RAD51B: variants seen among roughly 807,000 people sequenced by gnomAD.
The protein encoded by RAD51B is RAD51 paralog B, also known as DNA repair protein RAD51 homolog 2.
Under a neutral mutation model 42.2 loss-of-function variants are expected in RAD51B, and 38 were observed. The observed-to-expected ratio is 0.90, with a 90% CI of 0.70 to 1.18. The LOEUF (loss-of-function observed/expected upper bound fraction) is 1.18. RAD51B is among the 50% of genes most tolerant of loss of function. The probability of loss-of-function intolerance (pLI) is 0.00; values close to 1 mark genes in which losing one functional copy is unlikely to be tolerated. For synonymous variants in RAD51B, 154 were observed against 145.2 expected (o/e 1.06, Z -0.43); for missense variants, 373 against 400.7 (o/e 0.93, Z 0.59).
intron 10 of RAD51B, among the ~76,000 whole-genome samples, chr14:68,511,525 A>G (rs1885727359): frequency 6.6e-6 from 1 of 152,340 alleles, no homozygotes; most frequent in African/African-American, 2.4e-5. Flanking sequence ...GATGATGGCT[A>G]CCTTCCAGAA....
rs149461144 is a variant in RAD51B at position 67,884,844 on chromosome 14, CT to C, written c.453-1024del. On this transcript the variant is annotated intron_variant, in intron 5 of 10. Transcript: ENST00000471583. ...AAAACAGTTGTTGAAGTTCTCTCTT[CT>C]CTTTTCCTGTTTTGGGCTTTTCTCT... is the stretch of plus-strand genomic sequence containing the variant. 7.2e-5 allele frequency among the ~76,000 whole-genome samples: 11 copies of C among 152,278 alleles called. No homozygotes were observed. In the East Asian group the frequency reaches 2.1e-3, roughly 29 times the overall value.
chr14:68,494,350 T>G (rs1316335614), intron 10 of RAD51B, among the ~76,000 whole-genome samples: 1 of 151,902 alleles, frequency 6.6e-6, no homozygotes, highest in African/African-American at 2.4e-5. Flanking sequence ...GGGTAGTTCT[T>G]CGGTTTTGTG....
At chr14:68,322,276 G>A (rs543837681) in intron 8 of RAD51B, among the ~76,000 whole-genome samples, 1 of 152,292 alleles carries the variant, frequency 6.6e-6, no homozygotes, top group South Asian at 2.1e-4. Flanking sequence ...CTATAAGAGA[G>A]CATATTACAT....
At chr14:68,659,062 G>A (rs1385141110) in intron 11 of RAD51B, among the ~76,000 whole-genome samples, 2 of 152,176 alleles carry the variant, frequency 1.3e-5, no homozygotes, top group African/African-American at 4.8e-5. Context: ...TCTGCTGCTG[G>A]CAAGGGTGAC....
At chr14:68,225,161 A>C (rs558334770) in intron 7 of RAD51B, among the ~76,000 whole-genome samples, 1 of 152,338 alleles carries the variant, frequency 6.6e-6, no homozygotes, top group South Asian at 2.1e-4. Flanking sequence ...CTGTAGGGAC[A>C]ATATATGATA....
intron 10 of RAD51B, among the ~76,000 whole-genome samples, chr14:68,584,176 T>C (rs978970798): frequency 6.6e-6 from 1 of 152,050 alleles, no homozygotes; most frequent in Non-Finnish European, 1.5e-5. Context: ...CTTGTTTTCC[T>C]CCTCACACTC....
intron 8 of RAD51B, among the ~76,000 whole-genome samples, chr14:68,346,955 AC>A (rs2082688910): frequency 2.0e-5 from 3 of 151,374 alleles, no homozygotes; most frequent in Admixed American, 1.3e-4. Context: ...CCTTCCCTCT[AC>A]CCCCCAAGGC....
chr14:68,254,867 C>T (rs898380366), intron 7 of RAD51B, among the ~76,000 whole-genome samples: 4 of 152,052 alleles, frequency 2.6e-5, no homozygotes, highest in Admixed American at 2.0e-4. Context: ...TGTAAATTAC[C>T]CACTGGGTAC....
At chr14:68,108,730 C>T (rs2077414886) in intron 7 of RAD51B, among the ~76,000 whole-genome samples, 1 of 151,818 alleles carries the variant, frequency 6.6e-6, no homozygotes, top group Non-Finnish European at 1.5e-5. Context: ...TCTAAAAACA[C>T]TGAATTATAT....
intron 9 of RAD51B, among the ~76,000 whole-genome samples, chr14:68,422,556 T>C: frequency 1.6e-5 from 1 of 61,430 alleles, no homozygotes; most frequent in Admixed American, 2.2e-4. Flanking sequence ...CGAGTCTCCA[T>C]CTCAAAAAAA....
chr14:68,313,341 G>A (rs757692930), intron 8 of RAD51B, among the ~76,000 whole-genome samples: 2 of 152,182 alleles, frequency 1.3e-5, no homozygotes, highest in African/African-American at 2.4e-5. Flanking sequence ...AAGGATGACT[G>A]AATCCCATTC....
chr14:67,840,897 G>T (rs1404447360), intron 4 of RAD51B, among the ~76,000 whole-genome samples: 1 of 151,986 alleles, frequency 6.6e-6, no homozygotes, highest in Non-Finnish European at 1.5e-5. Flanking sequence ...TGCCTCCCAG[G>T]TTCAAGTGAT....
intron 7 of RAD51B, among the ~76,000 whole-genome samples, chr14:67,988,332 G>A (rs113957058): frequency 2.0e-5 from 3 of 152,208 alleles, no homozygotes; most frequent in African/African-American, 4.8e-5. Flanking sequence ...GGTGGCAGGC[G>A]CCTGTCATCC....
intron 7 of RAD51B, among the ~76,000 whole-genome samples, chr14:68,282,899 G>A (rs1437692733): frequency 1.3e-5 from 2 of 152,142 alleles, no homozygotes; most frequent in Non-Finnish European, 2.9e-5. Context: ...GGCTGGGGGG[G>A]ACCCGAGACT....
chr14:68,337,309 A>T (rs568737668), intron 8 of RAD51B, among the ~76,000 whole-genome samples: 7 of 152,194 alleles, frequency 4.6e-5, no homozygotes, highest in Non-Finnish European at 1.0e-4. Context: ...TTCAGATTTA[A>T]AGCTGCAGTG....
intron 10 of RAD51B, among the ~76,000 whole-genome samples, chr14:68,511,332 A>T (rs543558444): frequency 3.0e-4 from 45 of 152,204 alleles, no homozygotes; most frequent in Non-Finnish European, 5.4e-4. Flanking sequence ...GCCCTGAGAC[A>T]TGGAAAGAAG....
intron 7 of RAD51B, among the ~76,000 whole-genome samples, chr14:68,140,310 C>T (rs1230848337): frequency 6.6e-6 from 1 of 152,192 alleles, no homozygotes; most frequent in African/African-American, 2.4e-5. Context: ...TTTCCTGCAA[C>T]TCAGCTGGTG....
chr14:68,183,297 A>G (rs2588813), intron 7 of RAD51B, among the ~76,000 whole-genome samples: 106,561 of 151,938 alleles, frequency 0.7, 40,429 homozygotes, highest in East Asian at 0.92. Context: ...GTGTAAGTCA[A>G]GAGTCTAAAA....
intron 9 of RAD51B, among the ~76,000 whole-genome samples, chr14:68,442,714 C>CA (rs553415890): frequency 1.7e-3 from 265 of 152,190 alleles, no homozygotes; most frequent in African/African-American, 5.9e-3. Context: ...GCTGGGATTA[C>CA]AGGCATGAGC....
Sources: gnomAD v4.1 joint callset for allele counts (sites outside exome capture counted in the v4.1 genomes callset) on GRCh38, gnomAD v4.1.1 for gene constraint, MANE v1.5 for transcripts, NCBI Gene and HGNC (gene_info 2026-07-23, HGNC 2026-07-21) for gene names.